OSBPL5: variants seen among roughly 807,000 people sequenced by gnomAD.
OSBPL5 encodes oxysterol-binding protein-related protein 5.
Under a neutral mutation model 111.2 loss-of-function variants are expected in OSBPL5, and 71 were observed. The ratio of observed to expected loss-of-function variants is 0.64; its 90% CI spans 0.53 to 0.78. The LOEUF (loss-of-function observed/expected upper bound fraction) is 0.78. OSBPL5 is among the 30% of genes least tolerant of loss of function. The pLI, the probability that OSBPL5 is intolerant of heterozygous loss-of-function variation, is 0.00. For synonymous variants in OSBPL5, 549 were observed against 513.9 expected (o/e 1.07, Z -0.93); for missense variants, 1,210 against 1,189.3 (o/e 1.02, Z -0.26).
chr11:3,105,930 T>A lies in OSBPL5; in HGVS notation c.1059+1333A>T, dbSNP rs1055416061. Among the ~76,000 whole-genome samples the A allele has an allele frequency of 2.9e-4, 44 of 152,280 alleles. No homozygotes were observed. Among genetic ancestry groups the A allele is most frequent in the South Asian group, 1.7e-3 (8 of 4,826 alleles). On this transcript the variant is annotated intron_variant, in intron 9 of 21. Transcript: ENST00000263650. The surrounding 1 kb of genome is among the most constrained non-coding windows in gnomAD (Gnocchi z 5.2). ...TTCTCCCTTCTCCATCACAGCTGGG[T>A]CCAGGGTGTCCTCAGCTTTCTCCTA...
At position 3,109,914 on chromosome 11, in the gene OSBPL5, C is replaced by T. The variant is rs555020305; in HGVS notation, c.692-1969G>A. Among the ~76,000 whole-genome samples the T allele has an allele frequency of 2.0e-5, 3 of 152,334 alleles. No homozygotes were observed. The highest frequency in any genetic ancestry group is 7.2e-5 in the African/African-American group (3 of 41,586). On this transcript the variant is annotated intron_variant, in intron 7 of 21. Transcript: ENST00000263650. This position sits in a 1 kb window ranked among gnomAD's most constrained non-coding sequence, Gnocchi z 7.4. ...CCCTGATACCCACAGGGGCTGCAGA[C>T]ACCTCTCCTCCCGAATGGTGGCCCA...
intron 17 of OSBPL5, chr11:3,093,296 C>A (rs377706454): frequency 3.9e-6 from 3 of 773,196 alleles, no homozygotes; most frequent in Middle Eastern, 3.8e-4. Context: ...GGTCACTCGC[C>A]GGCAGTGATG....
chr11:3,144,336 G>A (rs1224203980), intron 1 of OSBPL5, among the ~76,000 whole-genome samples: 2 of 152,216 alleles, frequency 1.3e-5, no homozygotes, highest in Non-Finnish European at 2.9e-5. Context: ...ACATGGTAAA[G>A]CCCCATGACG....
At position 3,138,383 on chromosome 11, in the gene OSBPL5, C is replaced by T. The variant is rs534676443; in HGVS notation, c.-21-9214G>A. Among the ~76,000 whole-genome samples, 14 of 152,314 alleles carry T rather than the reference C, an allele frequency of 9.2e-5. No homozygotes were observed. In the South Asian group the frequency reaches 1.2e-3, roughly 14 times the overall value. On this transcript the variant is annotated intron_variant, in intron 1 of 21. Coordinates refer to ENST00000263650, the MANE Select transcript of OSBPL5 (RefSeq NM_020896.4). The stretch of plus-strand genomic sequence containing the variant: ...ACCTGTCCCAACTGAAAGGAGACTC[C>T]GATTTTCAGATGCTAGCTGCAGCCA...
rs896218894 is a variant in OSBPL5 at position 3,126,909 on chromosome 11, C to T, written c.137-354G>A. Among the ~76,000 whole-genome samples the T allele has an allele frequency of 2.0e-5, 3 of 152,210 alleles. No individual in the cohort carries two copies. Among genetic ancestry groups the T allele is most frequent in the Non-Finnish European group, 1.5e-5 (1 of 68,042 alleles). On this transcript the variant is annotated intron_variant, in intron 2 of 21. Coordinates refer to ENST00000263650, the MANE Select transcript of OSBPL5 (RefSeq NM_020896.4). This position sits in a 1 kb window ranked among gnomAD's most constrained non-coding sequence, Gnocchi z 6.5. The stretch of plus-strand genomic sequence containing the variant: ...TCAGAAAAAGAATGTGACATCCAGT[C>T]TCAAAGACACATGGCAGGTTTGGGG...
At chr11:3,111,101 A>G (rs1857908024) in intron 7 of OSBPL5, among the ~76,000 whole-genome samples, 1 of 152,108 alleles carries the variant, frequency 6.6e-6, no homozygotes, top group African/African-American at 2.4e-5. Flanking sequence ...TATGGCTCAA[A>G]CCAATAAGAC....
chr11:3,093,996 T>A (rs1857159614), intron 15 of OSBPL5, among the ~76,000 whole-genome samples, 161 bp from the exon 16 acceptor site: 1 of 152,062 alleles, frequency 6.6e-6, no homozygotes, highest in Non-Finnish European at 1.5e-5. Flanking sequence ...CCCCCACGCC[T>A]CCGCTCAAGG....
At chr11:3,133,327 C>G (rs918601921) in intron 1 of OSBPL5, among the ~76,000 whole-genome samples, 1 of 152,200 alleles carries the variant, frequency 6.6e-6, no homozygotes, top group Non-Finnish European at 1.5e-5. Flanking sequence ...AAGGATGGGT[C>G]GACAAGGAAA....
At chr11:3,131,674 C>T (rs1316578219) in intron 1 of OSBPL5, among the ~76,000 whole-genome samples, 1 of 145,974 alleles carries the variant, frequency 6.9e-6, no homozygotes, top group African/African-American at 2.6e-5. Flanking sequence ...TCCCATCCAT[C>T]CATCCACCCA....
chr11:3,120,330 A>G lies in OSBPL5; in HGVS notation c.606+91T>C, dbSNP rs1363894828. ...GCTCAAGGCCCCAAGGGGGCCATTCAGCTGGTTGGCTCCACCCTCCACCAG... is the reference window on the plus strand; with the variant it reads ...GCTCAAGGCCCCAAGGGGGCCATTCGGCTGGTTGGCTCCACCCTCCACCAG... On this transcript the variant is annotated intron_variant, in intron 6 of 21. Coordinates refer to ENST00000263650, the MANE Select transcript of OSBPL5 (RefSeq NM_020896.4). The G allele has an allele frequency of 2.0e-6, 3 of 1,483,688 alleles. No homozygotes were observed. In the African/African-American group the frequency reaches 4.2e-5, roughly 21 times the overall value. The allele number at this position is 1,483,688 out of a possible 1,614,324, so 91.9% of individuals were successfully genotyped here. A position where few individuals can be genotyped will look rare whatever the true frequency, so the allele number is the denominator to read the frequency against.
chr11:3,093,867 GAGCGGGGGC>G, intron 15 of OSBPL5, 32 bp from the exon 16 acceptor site: 1 of 1,596,148 alleles, frequency 6.3e-7, no homozygotes, highest in Non-Finnish European at 8.5e-7. Context: ...AGAGCCCAGT[GAGCGGGGGC>G]TGGGGCCTCC....
chr11:3,120,799 G>C (rs1221262022), intron 5 of OSBPL5, among the ~76,000 whole-genome samples, 175 bp from the exon 6 acceptor site: 3 of 152,194 alleles, frequency 2.0e-5, no homozygotes, highest in African/African-American at 7.2e-5. Context: ...CTCACTCCCT[G>C]GGGTGATGTC....
In OSBPL5 at chr11:3,107,750, C is replaced by G; in HGVS notation, c.866+21G>C. ...AGACCCCGTGAATCACCACCAGCCC[C>G]TGTGCCCTCGCCCCACTCACGGGAA... On this transcript the variant is annotated intron_variant, in intron 8 of 21. Coordinates refer to ENST00000263650, the MANE Select transcript of OSBPL5 (RefSeq NM_020896.4). This position sits in a 1 kb window ranked among gnomAD's most constrained non-coding sequence, Gnocchi z 6.1. The G allele has an allele frequency of 6.2e-7, 1 of 1,608,786 alleles. No homozygotes were observed. The highest frequency in any genetic ancestry group is 8.5e-7 in the Non-Finnish European group (1 of 1,179,430).
At position 3,134,676 on chromosome 11, in the gene OSBPL5, C is replaced by G. The variant is rs562985258; in HGVS notation, c.-21-5507G>C. Among the ~76,000 whole-genome samples the G allele has an allele frequency of 4.6e-5, 7 of 152,364 alleles. No homozygotes were observed. In the South Asian group the frequency reaches 8.3e-4, roughly 18 times the overall value. ...TTGGGTTGGGGTGGAGACCCGCTGT[C>G]CACCGAAAGAATGTGCTCTGAGCAG... On this transcript the variant is annotated intron_variant, in intron 1 of 21. Transcript: ENST00000263650.
intron 1 of OSBPL5, among the ~76,000 whole-genome samples, chr11:3,129,916 G>A (rs1202235164): frequency 1.3e-5 from 2 of 152,320 alleles, no homozygotes; most frequent in South Asian, 2.1e-4. Context: ...CACCTGCCTC[G>A]CTCTCCCAGC....
chr11:3,111,732 A>T (rs1323019119), intron 7 of OSBPL5, among the ~76,000 whole-genome samples: 1 of 86,682 alleles, frequency 1.2e-5, no homozygotes, highest in East Asian at 2.0e-4. Context: ...CAGCAAAAGG[A>T]AAAAAAAAAG....
At chr11:3,131,568 C>CATCT (rs1858839996) in intron 1 of OSBPL5, among the ~76,000 whole-genome samples, 1 of 139,286 alleles carries the variant, frequency 7.2e-6, no homozygotes, top group Admixed American at 7.0e-5. Flanking sequence ...TTCATTCATC[C>CATCT]ATCCATCCAT....
In OSBPL5 at chr11:3,154,100, C is replaced by G. The variant is rs1846675950; in HGVS notation, c.-22+11116G>C. 6.6e-6 allele frequency among the ~76,000 whole-genome samples: 1 copy of G among 152,228 alleles called. No individual in the cohort carries two copies. The highest frequency in any genetic ancestry group is 2.4e-5 in the African/African-American group (1 of 41,452). On this transcript the variant is annotated intron_variant, in intron 1 of 21. Transcript: ENST00000263650. This position sits in a 1 kb window ranked among gnomAD's most constrained non-coding sequence, Gnocchi z 4.9. ...CCGCCGCTGGTGTGTGGCCCCTTAT[C>G]CACTCTCCCTGGGAGGAAAGGCCCC... is the stretch of plus-strand genomic sequence containing the variant.
At chr11:3,133,256 G>A (rs1459776626) in intron 1 of OSBPL5, among the ~76,000 whole-genome samples, 1 of 152,256 alleles carries the variant, frequency 6.6e-6, no homozygotes, top group East Asian at 1.9e-4. Flanking sequence ...TGAAGGCTGG[G>A]AGCCCCAGGG....
Sources: allele counts gnomAD v4.1 joint callset (sites outside exome capture counted in the v4.1 genomes callset), GRCh38; gene constraint gnomAD v4.1.1; non-coding constraint Gnocchi (gnomAD v3.1); transcripts MANE v1.5; gene names NCBI Gene and HGNC (gene_info 2026-07-23, HGNC 2026-07-21).